VTI1A: variants seen among roughly 807,000 people sequenced by gnomAD.
The protein encoded by VTI1A is vesicle transport through interaction with t-SNAREs 1A.
Under a neutral mutation model 34.9 loss-of-function variants are expected in VTI1A, and 22 were observed. That is an observed-to-expected ratio of 0.63 (90% confidence interval 0.45 to 0.90). The LOEUF is 0.90. Among genes scored for constraint, VTI1A ranks in the 40% least tolerant of loss-of-function variants. The pLI is 0.00. For missense variants in VTI1A, 268 were observed against 275.6 expected, an observed-to-expected ratio of 0.97 and a Z score of 0.20; for synonymous variants, 87 against 97.3, an observed-to-expected ratio of 0.89 and a Z score of 0.62.
At position 112,811,718 on chromosome 10, in the gene VTI1A, C is replaced by CAG. The variant is rs1483205833; in HGVS notation, c.561-3571_561-3570dup. 5.3e-5 allele frequency among the ~76,000 whole-genome samples: 5 copies of CAG among 94,736 alleles called. No individual in the cohort carries two copies. The South Asian group carries it at 1.4e-3, about 27-fold the overall frequency. 62.2% of individuals were successfully genotyped at this position (94,736 alleles called of 152,430 possible). ...AAAAAAAAAAAAAAAAAAAAGAGTGCAGTCCATGCCTGGAAGTAGAGGAGA... is the reference window on the plus strand; with the variant it reads ...AAAAAAAAAAAAAAAAAAAAGAGTGCAGAGTCCATGCCTGGAAGTAGAGGAGA... On this transcript the variant is annotated intron_variant, in intron 7 of 7. Coordinates refer to ENST00000393077, the MANE Select transcript of VTI1A (RefSeq NM_145206.4).
At position 112,668,213 on chromosome 10, in the gene VTI1A, C is replaced by T. The variant is rs189108772; in HGVS notation, c.428-5C>T. Reference sequence around the variant, plus strand: ...TTTTCCTCACTCAAATTTTCTTTTCCGTAGAGCAAATTGGTCAGGAGATGT... The same window carrying T: ...TTTTCCTCACTCAAATTTTCTTTTCTGTAGAGCAAATTGGTCAGGAGATGT... On this transcript the variant is annotated splice_polypyrimidine_tract_variant and splice_region_variant and intron_variant, in intron 5 of 7. Coordinates refer to ENST00000393077, the MANE Select transcript of VTI1A (RefSeq NM_145206.4). 1.9e-4 allele frequency: 314 copies of T among 1,611,610 alleles called. 1 individual carries two copies. The East Asian group carries it at 5.9e-3, about 31-fold the overall frequency.
chr10:112,638,539 A>G (rs978064567), intron 5 of VTI1A, among the ~76,000 whole-genome samples: 3 of 152,186 alleles, frequency 2.0e-5, no homozygotes, highest in Non-Finnish European at 2.9e-5. Flanking sequence ...GGAAAGATTA[A>G]TTAAAAGTAC....
At chr10:112,736,111 G>GTGTATATATATATATATA (rs778802494) in intron 7 of VTI1A, among the ~76,000 whole-genome samples, 125 of 116,174 alleles carry the variant, frequency 1.1e-3, no homozygotes, top group African/African-American at 4.3e-3. Flanking sequence ...ATGTGTGTGT[G>GTGTATATATATATATATA]TATATATATA....
At chr10:112,635,581 A>C (rs1333838555) in intron 5 of VTI1A, among the ~76,000 whole-genome samples, 1 of 152,226 alleles carries the variant, frequency 6.6e-6, no homozygotes, top group Non-Finnish European at 1.5e-5. Context: ...AACAATCGAG[A>C]CGTACTGATG....
At chr10:112,824,063 T>C in the VTI1A span, 745 of 152,340 alleles carry the variant, frequency 4.9e-3, 1 homozygote, top group Non-Finnish European at 8.7e-3. Flanking sequence ...GAAGTGGAAC[T>C]TCAAACAGCA....
chr10:112,804,450 A>G (rs935312061), intron 7 of VTI1A, among the ~76,000 whole-genome samples: 20 of 152,226 alleles, frequency 1.3e-4, no homozygotes, highest in African/African-American at 4.6e-4. Flanking sequence ...AGCTGCACAC[A>G]TGTAAAGAGC....
At chr10:112,811,318 G>A (rs1853285575) in intron 7 of VTI1A, among the ~76,000 whole-genome samples, 1 of 152,196 alleles carries the variant, frequency 6.6e-6, no homozygotes, top group South Asian at 2.1e-4. Flanking sequence ...CTGGAAGTTA[G>A]ATGCCTCCAG....
chr10:112,733,718 C>T (rs1213760053), intron 7 of VTI1A, among the ~76,000 whole-genome samples: 1 of 133,396 alleles, frequency 7.5e-6, no homozygotes, highest in Non-Finnish European at 1.5e-5. Flanking sequence ...AGTCAGTTCT[C>T]ATTTACATTA....
At chr10:112,457,384 G>A (rs1847571591) in intron 1 of VTI1A, among the ~76,000 whole-genome samples, 1 of 152,202 alleles carries the variant, frequency 6.6e-6, no homozygotes, top group Non-Finnish European at 1.5e-5. Context: ...GGACTATAAA[G>A]ATGACTGAGA....
At chr10:112,653,166 A>G (rs1847100770) in intron 5 of VTI1A, among the ~76,000 whole-genome samples, 1 of 152,216 alleles carries the variant, frequency 6.6e-6, no homozygotes, top group East Asian at 1.9e-4. Flanking sequence ...TGTACACCCT[A>G]TGTAAATGGA....
chr10:112,540,173 A>G (rs1850811380), intron 5 of VTI1A, among the ~76,000 whole-genome samples: 1 of 152,150 alleles, frequency 6.6e-6, no homozygotes, highest in African/African-American at 2.4e-5. Flanking sequence ...TCCCTCCCAA[A>G]GCTGAAAGAA....
At chr10:112,813,868 G>A (rs184046294) in intron 7 of VTI1A, among the ~76,000 whole-genome samples, 21 of 152,302 alleles carry the variant, frequency 1.4e-4, no homozygotes, top group East Asian at 3.9e-4. Flanking sequence ...CATCTCCTGC[G>A]AGGAGAGTGG....
At chr10:112,505,245 T>C (rs966280393) in intron 3 of VTI1A, among the ~76,000 whole-genome samples, 1 of 152,196 alleles carries the variant, frequency 6.6e-6, no homozygotes, top group African/African-American at 2.4e-5. Flanking sequence ...CTGTTTGTCT[T>C]GTCTTTAATG....
rs1052877884 is a variant in VTI1A at position 112,594,202 on chromosome 10, C to T, written c.427+55872C>T. On this transcript the variant is annotated intron_variant, in intron 5 of 7. Transcript: ENST00000393077. The stretch of plus-strand genomic sequence containing the variant: ...GATTACAGGCGTGAGCCACTGCGCC[C>T]GGCCGGTCTCCATCTTTTAAACTTG... Among the ~76,000 whole-genome samples the T allele has an allele frequency of 3.9e-5, 6 of 152,144 alleles. No individual in the cohort carries two copies. The East Asian group carries it at 5.8e-4, about 15-fold the overall frequency.
chr10:112,539,243 T>C (rs901224730), intron 5 of VTI1A, among the ~76,000 whole-genome samples: 1 of 152,226 alleles, frequency 6.6e-6, no homozygotes, highest in Non-Finnish European at 1.5e-5. Flanking sequence ...TTTAAAGATT[T>C]AGAGTCATAG....
chr10:112,779,143 A>G (rs1001572118), intron 7 of VTI1A, among the ~76,000 whole-genome samples: 4 of 152,338 alleles, frequency 2.6e-5, no homozygotes, highest in African/African-American at 9.6e-5. Context: ...TTTGAGTGAT[A>G]TTACCAATAT....
chr10:112,675,500 CT>C (rs1847991648), intron 7 of VTI1A, among the ~76,000 whole-genome samples: 1 of 152,306 alleles, frequency 6.6e-6, no homozygotes, highest in South Asian at 2.1e-4. Context: ...GCTGAAGGCG[CT>C]CAGCTGCAGC....
chr10:112,788,776 G>T (rs1590185600), intron 7 of VTI1A, among the ~76,000 whole-genome samples: 1 of 151,888 alleles, frequency 6.6e-6, no homozygotes, highest in East Asian at 1.9e-4. Context: ...TTTAAAAATA[G>T]ATATTTTTGT....
the VTI1A span, among the ~76,000 whole-genome samples, chr10:112,842,445 A>T: frequency 6.6e-5 from 10 of 152,174 alleles, no homozygotes; most frequent in Non-Finnish European, 7.3e-5. Flanking sequence ...ACAAGATCAC[A>T]TGAATCTCCT....
Sources: gnomAD v4.1 joint callset for allele counts (sites outside exome capture counted in the v4.1 genomes callset) on GRCh38, gnomAD v4.1.1 for gene constraint, MANE v1.5 for transcripts, NCBI Gene and HGNC (gene_info 2026-07-23, HGNC 2026-07-21) for gene names.